SOCS7: variants seen among roughly 807,000 people sequenced by gnomAD.
SOCS7 encodes suppressor of cytokine signaling 7.
In SOCS7, 18 loss-of-function variants were observed where a neutral mutation model predicts 58.9. The observed-to-expected ratio is 0.31, with a 90% confidence interval of 0.21 to 0.45. The LOEUF (loss-of-function observed/expected upper bound fraction) is 0.45, where lower values mean the gene tolerates loss of function less well. Ranked by LOEUF, SOCS7 falls within the 20% of genes least tolerant of loss-of-function variation. The pLI is 1.00. For synonymous variants in SOCS7, 388 were observed against 364.3 expected (o/e 1.06, Z -0.74); for missense variants, 667 against 837.3 (o/e 0.80, Z 2.51).
intron 1 of SOCS7, among the ~76,000 whole-genome samples, chr17:38,357,429 C>G (rs1248882558): frequency 1.3e-5 from 2 of 152,146 alleles, no homozygotes; most frequent in South Asian, 4.1e-4. Context: ...AATCTCTGTC[C>G]ATTTGAGTCC....
In SOCS7 at chr17:38,387,619, T is replaced by TATATA. The variant is rs1339872670; in HGVS notation, c.1682-7689_1682-7685dup. ...TATATACACAATATATTGTATATTA[T>TATATA]ATATACAATATATTGTATATTATAT... On this transcript the variant is annotated intron_variant, in intron 7 of 9. Transcript: ENST00000612932. Among the ~76,000 whole-genome samples, 844 of 91,842 alleles carry TATATA rather than the reference T, an allele frequency of 9.2e-3. 68 individuals are homozygous for TATATA. Among genetic ancestry groups the TATATA allele is most frequent in the African/African-American group, 0.055 (782 of 14,202 alleles). 60.3% of individuals were successfully genotyped at this position (91,842 alleles called of 152,430 possible).
chr17:38,354,836 C>T (rs185967994), intron 1 of SOCS7, among the ~76,000 whole-genome samples: 2 of 152,250 alleles, frequency 1.3e-5, no homozygotes, highest in Non-Finnish European at 2.9e-5. Context: ...ACGCCAAATA[C>T]GAGGTGTGGC....
intron 7 of SOCS7, among the ~76,000 whole-genome samples, chr17:38,386,585 AT>A (rs1248770808): frequency 1.3e-5 from 2 of 152,128 alleles, no homozygotes; most frequent in African/African-American, 4.8e-5. Context: ...GCAGCTGTTC[AT>A]TGGGAGTTGC....
At chr17:38,369,738 C>T (rs574072279) in intron 6 of SOCS7, among the ~76,000 whole-genome samples, 167 of 146,534 alleles carry the variant, frequency 1.1e-3, no homozygotes, top group African/African-American at 3.9e-3. Flanking sequence ...TACAGTGGCA[C>T]GATCTCGGCT....
chr17:38,381,044 G>A (rs529027013), intron 7 of SOCS7, among the ~76,000 whole-genome samples: 4 of 152,080 alleles, frequency 2.6e-5, no homozygotes, highest in South Asian at 2.1e-4. Flanking sequence ...ATTTCCCACC[G>A]GTCTGTTATT....
At chr17:38,375,012 C>T (rs1597697283) in intron 6 of SOCS7, among the ~76,000 whole-genome samples, 1 of 152,046 alleles carries the variant, frequency 6.6e-6, no homozygotes, top group East Asian at 1.9e-4. Context: ...AATCCCAGCA[C>T]TTGGGAGGCC....
rs2038324255 is a variant in SOCS7, at chr17:38,401,928, A to T, written c.*2446A>T. 6.6e-6 allele frequency: 1 copy of T among 152,286 alleles called. No individual in the cohort carries two copies. The allele number at this position is 152,286 out of a possible 1,614,324, so 9.4% of individuals were successfully genotyped here. On this transcript the variant is annotated 3_prime_UTR_variant, in exon 10 of 10. Coordinates refer to ENST00000612932, the MANE Select transcript of SOCS7 (RefSeq NM_014598.4). Reference sequence around the variant, plus strand: ...GTGGAGCCCAAAGCCCAAAGGAGTCAGCAAGGCTCCTGCCCATTGCCAGGG... The same window carrying T: ...GTGGAGCCCAAAGCCCAAAGGAGTCTGCAAGGCTCCTGCCCATTGCCAGGG...
intron 7 of SOCS7, among the ~76,000 whole-genome samples, chr17:38,393,731 C>T (rs8080067): frequency 6.6e-6 from 1 of 151,254 alleles, no homozygotes; most frequent in Non-Finnish European, 1.5e-5. Flanking sequence ...AAACCCCGTC[C>T]CTACTGAAAA....
chr17:38,371,690 G>GCT (rs2037867970), intron 6 of SOCS7, among the ~76,000 whole-genome samples: 1 of 149,470 alleles, frequency 6.7e-6, no homozygotes, highest in Admixed American at 6.7e-5. Context: ...CAAGTGACCT[G>GCT]CTCACCTCTG....
At chr17:38,384,082 C>T (rs899984975) in intron 7 of SOCS7, among the ~76,000 whole-genome samples, 1 of 152,120 alleles carries the variant, frequency 6.6e-6, no homozygotes, top group African/African-American at 2.4e-5. Flanking sequence ...CCCCCTTTAG[C>T]AACACCGTAA....
rs554688478 is a variant in SOCS7 at position 38,404,399 on chromosome 17, G to C, written c.*4917G>C. 1 of 152,202 alleles carries C rather than the reference G, an allele frequency of 6.6e-6. No homozygotes were observed. Among genetic ancestry groups the C allele is most frequent in the South Asian group, 2.1e-4 (1 of 4,804 alleles). The allele number at this position is 152,202 out of a possible 1,614,324, so 9.4% of individuals were successfully genotyped here. On this transcript the variant is annotated 3_prime_UTR_variant, in exon 10 of 10. Coordinates refer to ENST00000612932, the MANE Select transcript of SOCS7 (RefSeq NM_014598.4). Reference sequence around the variant, plus strand: ...CTGTCCTCTCCACACCTGCTATCCCGTCCCACTCCCATCTACCTCCCGGGA... The same window carrying C: ...CTGTCCTCTCCACACCTGCTATCCCCTCCCACTCCCATCTACCTCCCGGGA...
At chr17:38,390,901 G>T (rs1439889981) in intron 7 of SOCS7, among the ~76,000 whole-genome samples, 5 of 151,872 alleles carry the variant, frequency 3.3e-5, no homozygotes. Flanking sequence ...TCACCGCATT[G>T]CCCAGGCTGG....
chr17:38,360,937 C>T (rs1219325555), intron 1 of SOCS7, among the ~76,000 whole-genome samples: 1 of 152,196 alleles, frequency 6.6e-6, no homozygotes, highest in Non-Finnish European at 1.5e-5. Flanking sequence ...TTGTTGGAGT[C>T]TTTTGAGTTT....
chr17:38,352,825 C>T lies in SOCS7; in HGVS notation c.773C>T (p.Pro258Leu), dbSNP rs1286384265. 2 of 1,564,190 alleles carry T rather than the reference C, an allele frequency of 1.3e-6. No homozygotes were observed. Among genetic ancestry groups the T allele is most frequent in the Non-Finnish European group, 1.7e-6 (2 of 1,154,756 alleles). ...CAGCAACCTCCCCCGCCCCCGCCTC[C>T]TCCCGGGCCCCTCCGGCCACTCGCG... ...QQQQPPPPPPPPGPLRPLAGP... is the reference protein window; with the variant it reads ...QQQQPPPPPPLPGPLRPLAGP... The change falls in exon 1 of 10, where the codon CCT (proline) becomes CTT (leucine). Residue 258 changes from proline (P) to leucine (L), a missense_variant. Transcript: ENST00000612932. The surrounding 1 kb of genome is among the most constrained non-coding windows in gnomAD (Gnocchi z 5.5).
chr17:38,371,481 G>C lies in SOCS7; in HGVS notation c.1552+3431G>C, dbSNP rs147967579. ...GACGGGGTTTCACCATGTTGGCCAG[G>C]TTGGCCTTGAACTCCTGACCTCAGG... is the stretch of plus-strand genomic sequence containing the variant. On this transcript the variant is annotated intron_variant, in intron 6 of 9. Coordinates refer to ENST00000612932, the MANE Select transcript of SOCS7 (RefSeq NM_014598.4). Among the ~76,000 whole-genome samples the C allele has an allele frequency of 5.7e-3, 857 of 151,232 alleles. 9 individuals are homozygous for C. The highest frequency in any genetic ancestry group is 0.02 in the African/African-American group (816 of 41,110).
In SOCS7 at chr17:38,377,993, C is replaced by A. The variant is rs2037953514; in HGVS notation, c.1681+151C>A. ...CCTCTTACAGAGTCCCATGGTTAAT[C>A]CCCTGCCTTTGTACATTAATCTCTC... is the stretch of plus-strand genomic sequence containing the variant. On this transcript the variant is annotated intron_variant, in intron 7 of 9. Transcript: ENST00000612932. The A allele has an allele frequency of 1.0e-5, 7 of 686,452 alleles. No individual in the cohort carries two copies. The South Asian group carries it at 1.5e-4, about 14-fold the overall frequency. The allele number at this position is 686,452 out of a possible 1,614,324, so 42.5% of individuals were successfully genotyped here. A position where few individuals can be genotyped will look rare whatever the true frequency, so the allele number is the denominator to read the frequency against.
intron 9 of SOCS7, among the ~76,000 whole-genome samples, chr17:38,397,284 G>T (rs1186027451): frequency 1.3e-5 from 2 of 152,226 alleles, no homozygotes; most frequent in African/African-American, 4.8e-5. Context: ...AGCAAGTTCA[G>T]CATTACGCTT....
Position 38,352,458 on chromosome 17 carries a change from G to A in SOCS7, c.406G>A (p.Gly136Arg). 1.4e-6 allele frequency: 2 copies of A among 1,471,434 alleles called. No individual in the cohort carries two copies. The highest frequency in any genetic ancestry group is 1.8e-6 in the Non-Finnish European group (2 of 1,112,332). The allele number at this position is 1,471,434 out of a possible 1,614,324, so 91.1% of individuals were successfully genotyped here. The change falls in exon 1 of 10, where the codon GGG (glycine) becomes AGG (arginine). Residue 136 changes from glycine (G) to arginine (R), a missense_variant. By Grantham distance (125) the Gly-to-Arg change is moderately radical (BLOSUM62 -2). Around this residue, in one of 9 missense-constraint regions of SOCS7, gnomAD observed 154 missense variants for 156.3 expected, o/e 0.98. Coordinates refer to ENST00000612932, the MANE Select transcript of SOCS7 (RefSeq NM_014598.4). The surrounding 1 kb of genome is among the most constrained non-coding windows in gnomAD (Gnocchi z 5.5). ...GGGGCTCGGGCAGCCGGCGGGGCCG[G>A]GGGTCAAGACAGTCGGTGGGGGTTG... Reference protein sequence around the residue: ...ALGLGQPAGPGVKTVGGGCCP... With the variant: ...ALGLGQPAGPRVKTVGGGCCP...
intron 7 of SOCS7, among the ~76,000 whole-genome samples, chr17:38,379,183 A>AC (rs1266842923): frequency 3.3e-5 from 5 of 150,862 alleles, no homozygotes; most frequent in African/African-American, 7.3e-5. Flanking sequence ...AAAAAAACAA[A>AC]AAAAAAAAAA....
Sources: gnomAD v4.1 joint callset for allele counts (sites outside exome capture counted in the v4.1 genomes callset) on GRCh38, gnomAD v4.1.1 for gene constraint, gnomAD v4.1.1 regional missense constraint, Gnocchi (gnomAD v3.1) non-coding constraint, MANE v1.5 for transcripts, NCBI Gene and HGNC (gene_info 2026-07-23, HGNC 2026-07-21) for gene names.